The following LCLAT1 variants were observed in gnomAD, a reference collection of about 807,000 sequenced individuals.
LCLAT1 encodes the protein 1-AGP acyltransferase 8.
In LCLAT1, 11 loss-of-function variants were observed where a neutral mutation model predicts 30.7. The ratio of observed to expected loss-of-function variants is 0.36; its 90% confidence interval spans 0.23 to 0.59. LCLAT1 has a LOEUF of 0.59. LCLAT1 is among the 20% of genes least tolerant of loss of function. The pLI, the probability that LCLAT1 is intolerant of heterozygous loss-of-function variation, is 0.77. For synonymous variants in LCLAT1, 155 were observed against 151.3 expected (o/e 1.02, Z -0.18); for missense variants, 402 against 458.6 (o/e 0.88, Z 1.13).
chr2:30,608,234 T>G (rs1667553012), intron 5 of LCLAT1, among the ~76,000 whole-genome samples: 1 of 150,588 alleles, frequency 6.6e-6, no homozygotes, highest in Admixed American at 6.6e-5. Flanking sequence ...GGCAGGAGAA[T>G]AGCTTGAACC....
chr2:30,515,056 G>A (rs957475038), intron 1 of LCLAT1, among the ~76,000 whole-genome samples: 3 of 151,764 alleles, frequency 2.0e-5, no homozygotes, highest in African/African-American at 7.3e-5. Context: ...TGCCCCCATT[G>A]TATACCTATA....
intron 1 of LCLAT1, among the ~76,000 whole-genome samples, chr2:30,517,096 T>A (rs1273117114): frequency 6.6e-6 from 1 of 152,150 alleles, no homozygotes; most frequent in Non-Finnish European, 1.5e-5. Flanking sequence ...TTTTGACCCA[T>A]ACCTCCTGGG....
intron 1 of LCLAT1, among the ~76,000 whole-genome samples, chr2:30,504,553 G>A (rs1169066336): frequency 1.3e-5 from 2 of 152,048 alleles, no homozygotes; most frequent in Non-Finnish European, 2.9e-5. Context: ...CTTAATGTAT[G>A]GCAAGCAATC....
intron 5 of LCLAT1, among the ~76,000 whole-genome samples, chr2:30,620,451 T>G (rs1168369182): frequency 6.6e-6 from 1 of 152,164 alleles, no homozygotes; most frequent in Admixed American, 6.5e-5. Context: ...ATCTCTGTAG[T>G]TTGTAGTAAC....
chr2:30,513,977 G>C lies in LCLAT1; in HGVS notation c.-4-11610G>C, dbSNP rs929308966. ...CAGGACCTCCTGAGGCTGTGTCACG[G>C]GTGCCTGTTCTCAACCTTGGTAAAA... On this transcript the variant is annotated intron_variant, in intron 1 of 5. Transcript: ENST00000379509. 2.0e-5 allele frequency among the ~76,000 whole-genome samples: 3 copies of C among 152,180 alleles called. No individual in the cohort carries two copies. The South Asian group carries it at 6.2e-4, about 31-fold the overall frequency.
intron 5 of LCLAT1, among the ~76,000 whole-genome samples, chr2:30,572,596 G>A (rs915163333): frequency 1.3e-5 from 2 of 152,290 alleles, no homozygotes; most frequent in Admixed American, 1.3e-4. Context: ...GGGTCATACT[G>A]CTGCTGAGCA....
At chr2:30,521,567 G>A (rs1196226255) in intron 1 of LCLAT1, among the ~76,000 whole-genome samples, 1 of 121,840 alleles carries the variant, frequency 8.2e-6, no homozygotes, top group East Asian at 2.6e-4. Context: ...GAGTGCAGTG[G>A]CACCATCTTG....
intron 1 of LCLAT1, chr2:30,459,449 C>G (rs1439837785): frequency 1.5e-6 from 1 of 655,478 alleles, no homozygotes; most frequent in African/African-American, 1.8e-5. Flanking sequence ...GTTTCAGGTC[C>G]CTGGGCCCGT....
chr2:30,594,823 G>GCAT lies in LCLAT1; in HGVS notation c.628+26649_628+26651dup, dbSNP rs771628707. On this transcript the variant is annotated intron_variant, in intron 5 of 5. Coordinates refer to ENST00000379509, the MANE Select transcript of LCLAT1 (RefSeq NM_001002257.3). Reference sequence around the variant, plus strand: ...CAGATTTTATTGGATATTTTTTAAGGCATCTACAAAGTTTATGCTACATTT... The same window carrying GCAT: ...CAGATTTTATTGGATATTTTTTAAGGCATCATCTACAAAGTTTATGCTACATTT... Among the ~76,000 whole-genome samples, 8 of 152,180 alleles carry GCAT rather than the reference G, an allele frequency of 5.3e-5. No homozygotes were observed. In the South Asian group the frequency reaches 1.0e-3, roughly 20 times the overall value.
chr2:30,588,548 G>A (rs1478442866), intron 5 of LCLAT1, among the ~76,000 whole-genome samples: 1 of 152,072 alleles, frequency 6.6e-6, no homozygotes, highest in Non-Finnish European at 1.5e-5. Flanking sequence ...TTCTCTTTGT[G>A]CCTTAGTTTT....
At chr2:30,590,780 T>G (rs1049797388) in intron 5 of LCLAT1, among the ~76,000 whole-genome samples, 1 of 151,992 alleles carries the variant, frequency 6.6e-6, no homozygotes, top group African/African-American at 2.4e-5. Flanking sequence ...GGAAAAGGGC[T>G]AGGTTACTTT....
chr2:30,539,792 T>C lies in LCLAT1; in HGVS notation c.364+6478T>C, dbSNP rs76708450. On this transcript the variant is annotated intron_variant, in intron 3 of 5. Transcript: ENST00000379509. ...TTGTTATTATGTGCTGTGTACAGAA[T>C]ACTGTGTAAGGGACTTTATATACAT... 6.6e-3 allele frequency among the ~76,000 whole-genome samples: 1,009 copies of C among 152,312 alleles called. 9 individuals are homozygous for C. Among genetic ancestry groups the C allele is most frequent in the African/African-American group, 0.023 (959 of 41,574 alleles).
At chr2:30,553,126 C>T (rs1664753356) in intron 3 of LCLAT1, among the ~76,000 whole-genome samples, 1 of 151,700 alleles carries the variant, frequency 6.6e-6, no homozygotes, top group Admixed American at 6.6e-5. Flanking sequence ...GTTTTCATTA[C>T]TCAGTTAACT....
intron 1 of LCLAT1, among the ~76,000 whole-genome samples, chr2:30,506,376 T>C (rs745322487): frequency 5.9e-4 from 89 of 152,082 alleles, no homozygotes; most frequent in Admixed American, 2.9e-3. Flanking sequence ...TCTAATGGTT[T>C]CTCAAAACCG....
intron 2 of LCLAT1, among the ~76,000 whole-genome samples, chr2:30,531,339 C>A (rs1277219242): frequency 6.6e-6 from 1 of 152,124 alleles, no homozygotes; most frequent in African/African-American, 2.4e-5. Context: ...ATCCTTTTTA[C>A]CAGGAGGTCT....
At chr2:30,625,970 G>A (rs1470759020) in intron 5 of LCLAT1, among the ~76,000 whole-genome samples, 1 of 152,160 alleles carries the variant, frequency 6.6e-6, no homozygotes, top group Non-Finnish European at 1.5e-5. Flanking sequence ...GTAAGGGCAA[G>A]CATTTCTTTT....
In LCLAT1 at chr2:30,523,976, G is replaced by A. The variant is rs1255598654; in HGVS notation, c.-4-1611G>A. Among the ~76,000 whole-genome samples, 10 of 152,264 alleles carry A rather than the reference G, an allele frequency of 6.6e-5. No individual in the cohort carries two copies. The East Asian group carries it at 1.5e-3, about 23-fold the overall frequency. On this transcript the variant is annotated intron_variant, in intron 1 of 5. Coordinates refer to ENST00000379509, the MANE Select transcript of LCLAT1 (RefSeq NM_001002257.3). ...TGACATTTTTCAAAAGCACCATGAC[G>A]TTTGAAAATGTATTCTGTTTCCTGT...
intron 3 of LCLAT1, among the ~76,000 whole-genome samples, chr2:30,557,491 T>C (rs1056989372): frequency 3.3e-5 from 5 of 152,112 alleles, no homozygotes; most frequent in African/African-American, 4.8e-5. Context: ...CTTGGCTCAC[T>C]GCAACCTCTG....
rs899175118 is a variant in LCLAT1 at position 30,642,187 on chromosome 2, A to G, written c.*1568A>G. 2.6e-5 allele frequency: 4 copies of G among 152,148 alleles called. No homozygotes were observed. The highest frequency in any genetic ancestry group is 5.9e-5 in the Non-Finnish European group (4 of 68,032). The allele number at this position is 152,148 out of a possible 1,614,324, so 9.4% of individuals were successfully genotyped here. On this transcript the variant is annotated 3_prime_UTR_variant, in exon 6 of 6. Transcript: ENST00000379509. ...ACTTACCAAGCAGATTCTGTGAGAA[A>G]GCACTGGTTGAGGCTGAACACTGTT...
Sources: gnomAD v4.1 joint callset for allele counts (sites outside exome capture counted in the v4.1 genomes callset) on GRCh38, gnomAD v4.1.1 for gene constraint, MANE v1.5 for transcripts, NCBI Gene and HGNC (gene_info 2026-07-23, HGNC 2026-07-21) for gene names.